Variants in ME1 observed in about 807,000 individuals in gnomAD.
The protein encoded by ME1 is malic enzyme 1.
ME1 carries 74 observed loss-of-function variants against 66.4 expected under a neutral mutation model. The observed-to-expected ratio is 1.11, with a 90% CI of 0.92 to 1.35. The LOEUF (loss-of-function observed/expected upper bound fraction) is 1.35. Ranked by LOEUF, ME1 falls within the 40% of genes most tolerant of loss-of-function variation. The pLI is 0.00. For missense variants in ME1, 750 were observed against 694.1 expected (o/e 1.08, Z -0.90); for synonymous variants, 251 against 235.6 (o/e 1.07, Z -0.60).
chr6:83,253,734 C>T lies in ME1; in HGVS notation c.709G>A (p.Gly237Ser), dbSNP rs1230177609. Residue 237 changes from glycine (G) to serine (S), a missense_variant, in exon 7 of 14, where the codon GGC becomes AGC. Transcript: ENST00000369705. ...EFMEAVSSKY[G>S]MNCLIQFEDF... ...TCAAACTGAATAAGGCAATTCATGC[C>T]ATACCTATGGGACAAAAACATTCAT... The T allele has an allele frequency of 6.4e-7, 1 of 1,558,416 alleles. No homozygotes were observed. Among genetic ancestry groups the T allele is most frequent in the South Asian group, 1.1e-5 (1 of 89,410 alleles).
chr6:83,299,507 C>T (rs1218728763), intron 6 of ME1, among the ~76,000 whole-genome samples: 2 of 152,050 alleles, frequency 1.3e-5, no homozygotes, highest in African/African-American at 4.8e-5. Flanking sequence ...TGGGCTGAGA[C>T]CATGGGGTTT....
At chr6:83,328,506 GT>G (rs950775069) in intron 5 of ME1, among the ~76,000 whole-genome samples, 7 of 151,978 alleles carry the variant, frequency 4.6e-5, no homozygotes, top group African/African-American at 1.7e-4. Flanking sequence ...TTAAAAATTA[GT>G]TTTTTTAATT....
chr6:83,418,856 G>A (rs78485199), intron 1 of ME1, among the ~76,000 whole-genome samples: 5,788 of 152,304 alleles, frequency 0.038, 360 homozygotes, highest in African/African-American at 0.13. Flanking sequence ...TAGACAGTTA[G>A]AGAAATAGTT....
At chr6:83,354,456 CATAGT>C (rs1364470007) in intron 3 of ME1, among the ~76,000 whole-genome samples, 2 of 152,120 alleles carry the variant, frequency 1.3e-5, no homozygotes, top group Non-Finnish European at 2.9e-5. Context: ...ATATCATATT[CATAGT>C]AGTGACTCTC....
chr6:83,261,439 T>TTTTTTTTTG (rs1766886733), intron 6 of ME1, among the ~76,000 whole-genome samples: 1 of 148,848 alleles, frequency 6.7e-6, no homozygotes, highest in African/African-American at 2.5e-5. Context: ...TTTTTTTTTT[T>TTTTTTTTTG]GCTGTGGAAA....
At position 83,211,242 on chromosome 6, in the gene ME1, A is replaced by G. The variant is rs1789864810; in HGVS notation, c.*682T>C. ...AGGATGGGATGTTTGATCAAGGGGG[A>G]AAAAAGGTGATTTCAGGTGGGATTT... On this transcript the variant is annotated 3_prime_UTR_variant, in exon 14 of 14. Coordinates refer to ENST00000369705, the MANE Select transcript of ME1 (RefSeq NM_002395.6). The G allele has an allele frequency of 6.6e-6, 1 of 152,624 alleles. No individual in the cohort carries two copies. The highest frequency in any genetic ancestry group is 3.4e-3 in the Middle Eastern group (1 of 296). 9.5% of individuals were successfully genotyped at this position (152,624 alleles called of 1,614,324 possible). A position where few individuals can be genotyped will look rare whatever the true frequency, so the allele number is the denominator to read the frequency against.
At chr6:83,319,958 C>A (rs575782913) in intron 5 of ME1, among the ~76,000 whole-genome samples, 1 of 152,272 alleles carries the variant, frequency 6.6e-6, no homozygotes, top group African/African-American at 2.4e-5. Flanking sequence ...GAGCAAAACC[C>A]AAGAAACCTC....
intron 6 of ME1, among the ~76,000 whole-genome samples, chr6:83,273,385 G>C (rs1767120060): frequency 6.6e-6 from 1 of 151,898 alleles, no homozygotes; most frequent in Non-Finnish European, 1.5e-5. Context: ...TAAGAACCTT[G>C]GTTTAAACAC....
rs188707214 is a variant in ME1 at position 83,277,633 on chromosome 6, G to T, written c.705-23895C>A. On this transcript the variant is annotated intron_variant, in intron 6 of 13. Transcript: ENST00000369705. ...AATAAGATTTGGGGCCAGGTGTGGT[G>T]GTTTACGCCTGTAATCCCAGCACTT... Among the ~76,000 whole-genome samples, 703 of 152,218 alleles carry T rather than the reference G, an allele frequency of 4.6e-3. 2 individuals are homozygous for T. The highest frequency in any genetic ancestry group is 7.7e-3 in the Non-Finnish European group (523 of 68,006).
At chr6:83,257,819 T>C (rs2128528919) in intron 6 of ME1, among the ~76,000 whole-genome samples, 1 of 152,316 alleles carries the variant, frequency 6.6e-6, no homozygotes, top group Admixed American at 6.5e-5. Context: ...CTCTGGTTTC[T>C]AAGCAGGCCT....
chr6:83,278,096 G>A (rs948582180), intron 6 of ME1, among the ~76,000 whole-genome samples: 4 of 151,888 alleles, frequency 2.6e-5, no homozygotes, highest in East Asian at 1.9e-4. Flanking sequence ...CAAACTACAC[G>A]TTAACAACTC....
At chr6:83,359,128 G>A (rs1768956049) in intron 3 of ME1, among the ~76,000 whole-genome samples, 1 of 151,916 alleles carries the variant, frequency 6.6e-6, no homozygotes, top group South Asian at 2.1e-4. Flanking sequence ...CAGGGCAGGG[G>A]CTGGGCAGAG....
intron 11 of ME1, among the ~76,000 whole-genome samples, chr6:83,224,928 G>A (rs956552379): frequency 1.3e-5 from 2 of 151,262 alleles, no homozygotes; most frequent in East Asian, 3.9e-4. Flanking sequence ...TTGGCTGGGC[G>A]CGGTGGCTCA....
chr6:83,286,625 T>G (rs1562469738), intron 6 of ME1, among the ~76,000 whole-genome samples: 1 of 152,144 alleles, frequency 6.6e-6, no homozygotes, highest in Non-Finnish European at 1.5e-5. Flanking sequence ...ATACCTAATA[T>G]TTATGAGTGC....
chr6:83,306,540 G>C (rs1767827453), intron 6 of ME1, among the ~76,000 whole-genome samples: 1 of 151,968 alleles, frequency 6.6e-6, no homozygotes, highest in Non-Finnish European at 1.5e-5. Context: ...TTAGATAAAA[G>C]TTACAACCTA....
At chr6:83,243,527 T>A (rs1181891099) in intron 7 of ME1, among the ~76,000 whole-genome samples, 3 of 122,822 alleles carry the variant, frequency 2.4e-5, no homozygotes, top group Non-Finnish European at 4.7e-5. Flanking sequence ...TTATATTATA[T>A]CGATATAATC....
chr6:83,272,273 C>CA (rs1767096820), intron 6 of ME1, among the ~76,000 whole-genome samples: 1 of 151,918 alleles, frequency 6.6e-6, no homozygotes, highest in South Asian at 2.1e-4. Flanking sequence ...ACAATAGACA[C>CA]AAAAAAGCCT....
At position 83,216,560 on chromosome 6, in the gene ME1, C is replaced by G; in HGVS notation, c.1486G>C (p.Glu496Gln). The change falls in exon 13 of 14, where the codon GAG becomes CAG. Residue 496 changes from glutamate to glutamine, a missense_variant. Transcript: ENST00000369705. ...AQQVSDKHLE[E>Q]GRLYPPLNTI... is the part of the protein sequence containing the mutation. ...TTCAAAGGAGGATAAAGCCGACCCT[C>G]TTCCAAGTGTTTATCTGACACTTGC... 1 of 1,611,066 alleles carries G rather than the reference C, an allele frequency of 6.2e-7. No individual in the cohort carries two copies. Among genetic ancestry groups the G allele is most frequent in the Non-Finnish European group, 8.5e-7 (1 of 1,179,426 alleles).
At chr6:83,301,052 G>T (rs997354678) in intron 6 of ME1, among the ~76,000 whole-genome samples, 1 of 152,088 alleles carries the variant, frequency 6.6e-6, no homozygotes, top group Non-Finnish European at 1.5e-5. Flanking sequence ...GCCATGGGAT[G>T]GGGGGAGTGG....
Sources: allele counts gnomAD v4.1 joint callset (sites outside exome capture counted in the v4.1 genomes callset), GRCh38; gene constraint gnomAD v4.1.1; transcripts MANE v1.5; gene names NCBI Gene and HGNC (gene_info 2026-07-23, HGNC 2026-07-21).